SH3BGRL2: variants seen among roughly 807,000 people sequenced by gnomAD.
The protein encoded by SH3BGRL2 is SH3 domain binding glutamate rich protein like 2.
A neutral mutation model predicts 14.8 loss-of-function variants in SH3BGRL2; 21 were observed. The observed-to-expected ratio is 1.42, with a 90% CI of 1.01 to 2.05. The LOEUF (loss-of-function observed/expected upper bound fraction) is 2.05, where lower values mean the gene tolerates loss of function less well. SH3BGRL2 is among the 30% of genes most tolerant of loss of function. The probability of loss-of-function intolerance (pLI) is 0.00; values close to 1 mark genes in which losing one functional copy is unlikely to be tolerated. For missense variants in SH3BGRL2, 147 were observed against 130.8 expected (o/e 1.12, Z -0.61); for synonymous variants, 50 against 47.8 (o/e 1.05, Z -0.19).
At position 79,631,358 on chromosome 6, in the gene SH3BGRL2, G is replaced by A; in HGVS notation, c.-104G>A. The A allele has an allele frequency of 9.2e-7, 1 of 1,083,408 alleles. No homozygotes were observed. Among genetic ancestry groups the A allele is most frequent in the South Asian group, 2.2e-5 (1 of 46,220 alleles). The allele number at this position is 1,083,408 out of a possible 1,614,324, so 67.1% of individuals were successfully genotyped here. ...CCCAGCGATCTTCCCCGACGGCAGC[G>A]CTTTACCCAGAGGCTGCCGGCGGCT... On this transcript the variant is annotated 5_prime_UTR_variant, in exon 1 of 4. Transcript: ENST00000369838.
At position 79,699,583 on chromosome 6, in the gene SH3BGRL2, T is replaced by C. The variant is rs1209186456; in HGVS notation, c.*74T>C. 7.0e-7 allele frequency: 1 copy of C among 1,435,420 alleles called. No homozygotes were observed. Among genetic ancestry groups the C allele is most frequent in the Admixed American group, 2.4e-5 (1 of 42,114 alleles). 88.9% of individuals were successfully genotyped at this position (1,435,420 alleles called of 1,614,324 possible). A position where few individuals can be genotyped will look rare whatever the true frequency, so the allele number is the denominator to read the frequency against. On this transcript the variant is annotated 3_prime_UTR_variant, in exon 4 of 4. Coordinates refer to ENST00000369838, the MANE Select transcript of SH3BGRL2 (RefSeq NM_031469.4). Reference sequence around the variant, plus strand: ...ACTCAGCACACACATGCTTACCTAATGCATCACTGTGACAAAAGCCACACG... The same window carrying C: ...ACTCAGCACACACATGCTTACCTAACGCATCACTGTGACAAAAGCCACACG...
At chr6:79,672,238 C>T (rs116373999) in intron 1 of SH3BGRL2, among the ~76,000 whole-genome samples, 2,097 of 152,296 alleles carry the variant, frequency 0.014, 48 homozygotes, top group African/African-American at 0.048. Context: ...AATATTAACA[C>T]ATTTATTATA....
chr6:79,648,302 AAT>A (rs1172750755), intron 1 of SH3BGRL2, among the ~76,000 whole-genome samples: 44 of 105,600 alleles, frequency 4.2e-4, no homozygotes, highest in Admixed American at 3.8e-3. Flanking sequence ...TATTATATAT[AAT>A]ATATATATAA....
the SH3BGRL2 span, among the ~76,000 whole-genome samples, chr6:79,553,487 C>G: frequency 6.6e-6 from 1 of 152,110 alleles, no homozygotes; most frequent in African/African-American, 2.4e-5. Context: ...TTTGGTTTCA[C>G]TTTGTTTCTT....
chr6:79,638,877 AT>A (rs1369622804), intron 1 of SH3BGRL2, among the ~76,000 whole-genome samples: 1 of 152,018 alleles, frequency 6.6e-6, no homozygotes, highest in Non-Finnish European at 1.5e-5. Context: ...CTTTTCTTCC[AT>A]TCTGTAGGTT....
At chr6:79,590,127 G>A in the SH3BGRL2 span, among the ~76,000 whole-genome samples, 1 of 151,810 alleles carries the variant, frequency 6.6e-6, no homozygotes, top group Non-Finnish European at 1.5e-5. Flanking sequence ...TCAGAATGGC[G>A]ATTATTAAAA....
the SH3BGRL2 span, among the ~76,000 whole-genome samples, chr6:79,556,983 A>G: frequency 6.6e-6 from 1 of 151,952 alleles, no homozygotes; most frequent in African/African-American, 2.4e-5. Flanking sequence ...ACTTTTAAAA[A>G]GTCAAACATG....
chr6:79,656,224 A>G (rs1437744324), intron 1 of SH3BGRL2, among the ~76,000 whole-genome samples: 1 of 152,194 alleles, frequency 6.6e-6, no homozygotes. Context: ...AGAAATATGG[A>G]TGGTTTCAAG....
At chr6:79,586,317 T>C in the SH3BGRL2 span, among the ~76,000 whole-genome samples, 1 of 148,978 alleles carries the variant, frequency 6.7e-6, no homozygotes, top group Non-Finnish European at 1.5e-5. Context: ...AGACAATTCT[T>C]CTTCCAATAT....
upstream of SH3BGRL2, among the ~76,000 whole-genome samples, chr6:79,629,633 G>A (rs1049807376): frequency 3.9e-5 from 6 of 152,122 alleles, no homozygotes; most frequent in South Asian, 2.1e-4. Flanking sequence ...ACCCTGAATA[G>A]TCTCACCCTG....
the SH3BGRL2 span, among the ~76,000 whole-genome samples, chr6:79,606,862 T>A: frequency 6.6e-6 from 1 of 152,168 alleles, no homozygotes; most frequent in Non-Finnish European, 1.5e-5. Flanking sequence ...CTTTAGACAT[T>A]CATTATTTTC....
chr6:79,549,173 A>AATGAAGAC, the SH3BGRL2 span, among the ~76,000 whole-genome samples: 3 of 152,336 alleles, frequency 2.0e-5, no homozygotes, highest in African/African-American at 7.2e-5. Context: ...AGGGGCATGG[A>AATGAAGAC]ATGAAGACAG....
intron 2 of SH3BGRL2, among the ~76,000 whole-genome samples, chr6:79,692,055 G>A (rs1770229816): frequency 6.6e-6 from 1 of 152,210 alleles, no homozygotes; most frequent in African/African-American, 2.4e-5. Context: ...AGTCTAACTG[G>A]TGTGAGATGG....
At chr6:79,653,956 A>T (rs1337001447) in intron 1 of SH3BGRL2, among the ~76,000 whole-genome samples, 3 of 152,200 alleles carry the variant, frequency 2.0e-5, no homozygotes, top group Non-Finnish European at 2.9e-5. Flanking sequence ...TTCTGTTTAT[A>T]TCAGTCTTGC....
chr6:79,599,928 C>T, the SH3BGRL2 span, among the ~76,000 whole-genome samples: 2 of 152,094 alleles, frequency 1.3e-5, no homozygotes, highest in Admixed American at 6.6e-5. Context: ...TCCTAATTAG[C>T]GAAAATGAGT....
chr6:79,654,271 T>A (rs1346236531), intron 1 of SH3BGRL2, among the ~76,000 whole-genome samples: 1 of 152,168 alleles, frequency 6.6e-6, no homozygotes, highest in Non-Finnish European at 1.5e-5. Context: ...GAAGGAAAGG[T>A]AAGAATATTT....
intron 1 of SH3BGRL2, among the ~76,000 whole-genome samples, chr6:79,671,448 TCAAAA>T (rs1014255368): frequency 6.6e-6 from 1 of 152,168 alleles, no homozygotes; most frequent in Non-Finnish European, 1.5e-5. Context: ...AAACTCTGTC[TCAAAA>T]CAAAACAAAA....
chr6:79,538,477 A>T, the SH3BGRL2 span, among the ~76,000 whole-genome samples: 19 of 152,194 alleles, frequency 1.2e-4, no homozygotes, highest in Admixed American at 3.9e-4. Context: ...AATTTTCTGT[A>T]TGCGAAATAC....
intron 1 of SH3BGRL2, among the ~76,000 whole-genome samples, chr6:79,650,479 C>G (rs932776646): frequency 6.6e-6 from 1 of 152,136 alleles, no homozygotes; most frequent in African/African-American, 2.4e-5. Context: ...ATTTATTTGT[C>G]TCACAGTTCT....
Sources: gnomAD v4.1 joint callset for allele counts (sites outside exome capture counted in the v4.1 genomes callset) on GRCh38, gnomAD v4.1.1 for gene constraint, MANE v1.5 for transcripts, NCBI Gene and HGNC (gene_info 2026-07-23, HGNC 2026-07-21) for gene names.